CDH23: variants seen among roughly 807,000 people sequenced by gnomAD.
CDH23 encodes the protein cadherin-23.
CDH23 carries 189 observed loss-of-function variants against 317.1 expected under a neutral mutation model. That is an observed-to-expected ratio of 0.60 (90% CI 0.53 to 0.67). The LOEUF is 0.67. Ranked by LOEUF, CDH23 falls within the 30% of genes least tolerant of loss-of-function variation. The pLI is 0.00. For missense variants in CDH23, 4,401 were observed against 4,592.4 expected (o/e 0.96, Z 1.20); for synonymous variants, 1,839 against 1,876.8 (o/e 0.98, Z 0.52).
intron 3 of CDH23, among the ~76,000 whole-genome samples, chr10:71,485,036 T>C (rs1852273887): frequency 6.7e-6 from 1 of 149,436 alleles, no homozygotes; most frequent in South Asian, 2.1e-4. Flanking sequence ...TTTTTTTTTT[T>C]TTTTTTGTGG....
Position 71,740,834 on chromosome 10 carries a change from G to A in CDH23, c.4501G>A (p.Asp1501Asn). The change falls in exon 37 of 70, where the codon GAC (aspartate) becomes AAC (asparagine). Residue 1501 changes from aspartate (D) to asparagine (N), a missense_variant. Physicochemically the swap from Asp to Asn is conservative, Grantham distance 23. Coordinates refer to ENST00000224721, the MANE Select transcript of CDH23 (RefSeq NM_022124.6). ...CTCCTCCTTGCAGGTTGTGGCTTCT[G>A]ACCGAGGCACCCCTCCACGGAAGAA... ...DHYILQVVAS[D>N]RGTPPRKKDH... 1 of 1,613,688 alleles carries A rather than the reference G, an allele frequency of 6.2e-7. No homozygotes were observed. Among genetic ancestry groups the A allele is most frequent in the Non-Finnish European group, 8.5e-7 (1 of 1,179,888 alleles).
chr10:71,474,771 TCAGCA>T (rs1851702780), intron 3 of CDH23, among the ~76,000 whole-genome samples: 1 of 152,234 alleles, frequency 6.6e-6, no homozygotes, highest in Non-Finnish European at 1.5e-5. Flanking sequence ...CTCTGTGTGC[TCAGCA>T]CAGACAGGGG....
rs1564734231 is a variant in CDH23 at position 71,689,178 on chromosome 10, A to AGCCAGGGGTGGTGGAGCCAGGGATGGTG, written c.2060-1289_2060-1288insCCAGGGGTGGTGGAGCCAGGGATGGTGG. ...CAGGGATGGTGGAGTCAGGGGTGGT[A>AGCCAGGGGTGGTGGAGCCAGGGATGGTG]GAGTCAGGGGTGGTGGAGCCAGGGT... On this transcript the variant is annotated intron_variant, in intron 19 of 69. Transcript: ENST00000224721. 6.5e-5 allele frequency among the ~76,000 whole-genome samples: 2 copies of AGCCAGGGGTGGTGGAGCCAGGGATGGTG among 30,548 alleles called. 1 individual carries two copies. 20.0% of individuals were successfully genotyped at this position (30,548 alleles called of 152,430 possible).
chr10:71,794,938 G>A (rs773423225), intron 48 of CDH23, among the ~76,000 whole-genome samples: 2 of 152,192 alleles, frequency 1.3e-5, no homozygotes, highest in African/African-American at 2.4e-5. Context: ...TATCATGGGT[G>A]TGCATCATGG....
At chr10:71,595,873 A>G (rs1310133964) in intron 9 of CDH23, among the ~76,000 whole-genome samples, 2 of 152,138 alleles carry the variant, frequency 1.3e-5, no homozygotes, top group African/African-American at 4.8e-5. Context: ...CACCCCAGCC[A>G]CTTTCAAGCC....
At chr10:71,652,849 C>T (rs1307373428) in intron 14 of CDH23, among the ~76,000 whole-genome samples, 1 of 152,194 alleles carries the variant, frequency 6.6e-6, no homozygotes, top group Non-Finnish European at 1.5e-5. Context: ...ACCTCTGGGT[C>T]CCAGTGAGAT....
At chr10:71,530,664 C>T (rs537288996) in intron 6 of CDH23, among the ~76,000 whole-genome samples, 1 of 152,350 alleles carries the variant, frequency 6.6e-6, no homozygotes, top group African/African-American at 2.4e-5. Flanking sequence ...TGTCCCCAAC[C>T]AGGGTTGGCA....
intron 6 of CDH23, among the ~76,000 whole-genome samples, chr10:71,542,869 A>G (rs1432352235): frequency 6.6e-6 from 1 of 152,248 alleles, no homozygotes; most frequent in Non-Finnish European, 1.5e-5. Flanking sequence ...GGCTCTGAAC[A>G]GCAAGCCCCT....
intron 11 of CDH23, among the ~76,000 whole-genome samples, chr10:71,642,393 C>CTTT (rs781291264): frequency 0.015 from 1,247 of 85,382 alleles, 42 homozygotes; most frequent in Middle Eastern, 0.02. Flanking sequence ...GGCCCGGCCT[C>CTTT]TTTTTTTTTT....
At chr10:71,495,017 G>A (rs1421397724) in intron 3 of CDH23, among the ~76,000 whole-genome samples, 2 of 152,160 alleles carry the variant, frequency 1.3e-5, no homozygotes, top group African/African-American at 4.8e-5. Flanking sequence ...CCTTCGGAGG[G>A]TGGGAACCAC....
chr10:71,606,896 C>T (rs535058383), intron 9 of CDH23, among the ~76,000 whole-genome samples: 1 of 152,186 alleles, frequency 6.6e-6, no homozygotes, highest in African/African-American at 2.4e-5. Context: ...CCCGACTGAC[C>T]CAGGATCCTT....
chr10:71,524,345 A>G (rs74145032), intron 6 of CDH23, among the ~76,000 whole-genome samples: 5,849 of 152,152 alleles, frequency 0.038, 341 homozygotes, highest in African/African-American at 0.13. Context: ...CCTTTAAGAG[A>G]GGAATTCCAT....
At chr10:71,495,999 G>A (rs1852943348) in intron 3 of CDH23, among the ~76,000 whole-genome samples, 2 of 152,176 alleles carry the variant, frequency 1.3e-5, no homozygotes, top group South Asian at 4.1e-4. Flanking sequence ...TCTGGGAGGG[G>A]CCCATAAATC....
intron 11 of CDH23, among the ~76,000 whole-genome samples, chr10:71,619,913 T>C (rs1861383109): frequency 6.6e-6 from 1 of 152,140 alleles, no homozygotes; most frequent in Admixed American, 6.5e-5. Flanking sequence ...TGACCTCAGG[T>C]AAAGTAATGA....
At chr10:71,434,353 T>C (rs1325204939) in intron 1 of CDH23, among the ~76,000 whole-genome samples, 1 of 152,212 alleles carries the variant, frequency 6.6e-6, no homozygotes, top group Non-Finnish European at 1.5e-5. Flanking sequence ...GGGTGCGGGC[T>C]TTACCTTGTT....
At chr10:71,409,559 G>A (rs1333990909) in intron 1 of CDH23, among the ~76,000 whole-genome samples, 1 of 152,130 alleles carries the variant, frequency 6.6e-6, no homozygotes, top group Non-Finnish European at 1.5e-5. Flanking sequence ...TGGCCTGGGG[G>A]TGGGATGGAT....
chr10:71,555,206 A>G (rs1856813592), intron 6 of CDH23, among the ~76,000 whole-genome samples: 1 of 152,124 alleles, frequency 6.6e-6, no homozygotes, highest in African/African-American at 2.4e-5. Flanking sequence ...TGGAGAGGAA[A>G]ACAGAAGCCC....
chr10:71,476,115 A>G (rs1022749272), intron 3 of CDH23, among the ~76,000 whole-genome samples: 2 of 149,226 alleles, frequency 1.3e-5, no homozygotes, highest in Non-Finnish European at 3.0e-5. Context: ...CAGAGCACGC[A>G]GGTGGGGAGG....
intron 6 of CDH23, among the ~76,000 whole-genome samples, chr10:71,557,775 A>G (rs1416951430): frequency 6.6e-6 from 1 of 152,066 alleles, no homozygotes; most frequent in East Asian, 1.9e-4. Context: ...TTGACTCTTG[A>G]TCCTTTGTAT....
Sources: allele counts gnomAD v4.1 joint callset (sites outside exome capture counted in the v4.1 genomes callset), GRCh38; gene constraint gnomAD v4.1.1; transcripts MANE v1.5; gene names NCBI Gene and HGNC (gene_info 2026-07-23, HGNC 2026-07-21).